Variants in ADAMTS17 observed in about 807,000 individuals in gnomAD.
ADAMTS17 encodes A disintegrin and metalloproteinase with thrombospondin motifs 17.
In ADAMTS17, 113 loss-of-function variants were observed where a neutral mutation model predicts 141.5. The observed-to-expected ratio is 0.80, with a 90% CI of 0.69 to 0.93. The LOEUF (loss-of-function observed/expected upper bound fraction) is 0.93. ADAMTS17 is among the 40% of genes least tolerant of loss of function. The pLI is 0.00. For synonymous variants in ADAMTS17, 768 were observed against 630.6 expected (o/e 1.22, Z -3.27); for missense variants, 1,659 against 1,517.9 (o/e 1.09, Z -1.54).
chr15:100,196,391 C>T (rs1009848209), intron 8 of ADAMTS17, among the ~76,000 whole-genome samples: 8 of 152,224 alleles, frequency 5.3e-5, no homozygotes, highest in Non-Finnish European at 1.2e-4. Context: ...CTGTGCAACT[C>T]ATTGTTTGAT....
At chr15:100,086,146 A>T (rs895692631) in intron 15 of ADAMTS17, among the ~76,000 whole-genome samples, 1 of 152,150 alleles carries the variant, frequency 6.6e-6, no homozygotes, top group African/African-American at 2.4e-5. Flanking sequence ...AAAGGGATGA[A>T]GGAAGACCTA....
intron 3 of ADAMTS17, among the ~76,000 whole-genome samples, 177 bp from the exon 4 acceptor site, chr15:100,281,578 G>C (rs7496721): frequency 2.0e-5 from 3 of 151,804 alleles, no homozygotes; most frequent in Non-Finnish European, 4.4e-5. Context: ...ACTCACGTAG[G>C]GGGGTGCTGG....
At chr15:100,247,520 G>C (rs1015844017) in intron 7 of ADAMTS17, among the ~76,000 whole-genome samples, 1 of 152,198 alleles carries the variant, frequency 6.6e-6, no homozygotes, top group Non-Finnish European at 1.5e-5. Context: ...ACACCAACCA[G>C]TGAGGACGCC....
intron 15 of ADAMTS17, among the ~76,000 whole-genome samples, chr15:100,093,731 T>G (rs540944990): frequency 1.3e-5 from 2 of 152,308 alleles, no homozygotes; most frequent in South Asian, 4.1e-4. Flanking sequence ...ACACGCCTGC[T>G]GGGCTGCCTC....
At chr15:100,262,678 C>T (rs548046243) in intron 4 of ADAMTS17, among the ~76,000 whole-genome samples, 20 of 151,432 alleles carry the variant, frequency 1.3e-4, no homozygotes, top group African/African-American at 4.6e-4. Flanking sequence ...TCTGTACTAA[C>T]TGATCAACTT....
At chr15:100,107,855 C>T (rs937466591) in intron 14 of ADAMTS17, among the ~76,000 whole-genome samples, 13 of 152,166 alleles carry the variant, frequency 8.5e-5, no homozygotes, top group African/African-American at 2.9e-4. Flanking sequence ...TATGGTGTAT[C>T]GTTACAGGTG....
chr15:100,217,895 TTGAC>T (rs2042018101), intron 7 of ADAMTS17, among the ~76,000 whole-genome samples: 1 of 152,222 alleles, frequency 6.6e-6, no homozygotes, highest in Admixed American at 6.5e-5. Flanking sequence ...GACTGAATGA[TTGAC>T]TGATTAACAG....
At chr15:100,136,894 C>G (rs959182490) in intron 10 of ADAMTS17, among the ~76,000 whole-genome samples, 2 of 152,164 alleles carry the variant, frequency 1.3e-5, no homozygotes, top group African/African-American at 4.8e-5. Flanking sequence ...GTAGCCAGCA[C>G]AGATAATGGG....
rs560648773 is a variant in ADAMTS17 at position 100,046,727 on chromosome 15, C to T, written c.2591+2130G>A. The stretch of plus-strand genomic sequence containing the variant: ...CCCCAATCAATACCCTTGTGATTTC[C>T]TATGCCTGTCTTTACTTTAATCTCT... On this transcript the variant is annotated intron_variant, in intron 18 of 21. Transcript: ENST00000268070. Among the ~76,000 whole-genome samples, 10 of 152,268 alleles carry T rather than the reference C, an allele frequency of 6.6e-5. No homozygotes were observed. The East Asian group carries it at 7.7e-4, about 12-fold the overall frequency.
intron 18 of ADAMTS17, among the ~76,000 whole-genome samples, chr15:100,006,327 A>C (rs2061035811): frequency 6.6e-6 from 1 of 152,118 alleles, no homozygotes; most frequent in African/African-American, 2.4e-5. Flanking sequence ...CCACACACTC[A>C]CTGCATTCCC....
Position 100,341,180 on chromosome 15 carries a change from C to T in ADAMTS17, c.309G>A (p.Leu103=), listed in dbSNP as rs1471467575. The change falls in exon 2 of 22, where the codon CTG becomes CTA. Residue 103 remains leucine, a synonymous_variant. Coordinates refer to ENST00000268070, the MANE Select transcript of ADAMTS17 (RefSeq NM_139057.4). ...CCTCCTCCACCTCGAAGCCTCGGGACAGGAAGCGCAGGTCGCGGCGCAGCT... is the reference window on the plus strand; with the variant it reads ...CCTCCTCCACCTCGAAGCCTCGGGATAGGAAGCGCAGGTCGCGGCGCAGCT... ...YLQLRRDLRF[L]SRGFEVEEAG... 5.5e-6 allele frequency: 8 copies of T among 1,465,000 alleles called. No homozygotes were observed. The highest frequency in any genetic ancestry group is 2.3e-5 in the Admixed American group (1 of 43,240). 90.8% of individuals were successfully genotyped at this position (1,465,000 alleles called of 1,614,324 possible).
intron 12 of ADAMTS17, among the ~76,000 whole-genome samples, chr15:100,120,635 T>C (rs868517993): frequency 6.6e-5 from 10 of 152,354 alleles, no homozygotes; most frequent in Middle Eastern, 3.4e-3. Context: ...TAGGAAAAGA[T>C]ACAGGTTCAA....
chr15:100,107,256 GAGCA>G (rs1216177594), intron 14 of ADAMTS17, among the ~76,000 whole-genome samples: 1 of 152,178 alleles, frequency 6.6e-6, no homozygotes, highest in South Asian at 2.1e-4. Context: ...GCTAGGCACT[GAGCA>G]AGCAAAGAGC....
At chr15:100,141,471 C>CA (rs1216832955) in intron 10 of ADAMTS17, among the ~76,000 whole-genome samples, 1 of 152,080 alleles carries the variant, frequency 6.6e-6, no homozygotes, top group Non-Finnish European at 1.5e-5. Context: ...TAACACAAGC[C>CA]AAAAGAGAGA....
chr15:100,322,995 G>T (rs905666508), intron 3 of ADAMTS17, among the ~76,000 whole-genome samples: 1 of 149,544 alleles, frequency 6.7e-6, no homozygotes, highest in Non-Finnish European at 1.5e-5. Flanking sequence ...GCTGAGGCAG[G>T]AGAATGGCAT....
At chr15:100,183,384 T>C (rs1255836694) in intron 8 of ADAMTS17, among the ~76,000 whole-genome samples, 1 of 152,222 alleles carries the variant, frequency 6.6e-6, no homozygotes, top group Non-Finnish European at 1.5e-5. Flanking sequence ...GAGTGAATTA[T>C]ATTCATCTAA....
At position 99,982,793 on chromosome 15, in the gene ADAMTS17, C is replaced by T. The variant is rs148453442; in HGVS notation, c.2950-6571G>A. On this transcript the variant is annotated intron_variant, in intron 20 of 21. Coordinates refer to ENST00000268070, the MANE Select transcript of ADAMTS17 (RefSeq NM_139057.4). ...TAAATTTAGCTGAAAAGCTCCTTGC[C>T]GGGAAACCTGAAGTGAGTGGAGCCC... Among the ~76,000 whole-genome samples, 476 of 152,252 alleles carry T rather than the reference C, an allele frequency of 3.1e-3. 2 individuals are homozygous for T. The highest frequency in any genetic ancestry group is 0.01 in the African/African-American group (433 of 41,544).
intron 2 of ADAMTS17, among the ~76,000 whole-genome samples, chr15:100,340,090 G>T (rs2046318609): frequency 6.6e-6 from 1 of 152,248 alleles, no homozygotes; most frequent in Admixed American, 6.5e-5. Context: ...ACAGAAGACA[G>T]AGAACCCCTG....
At chr15:100,038,157 G>T (rs1158931675) in intron 18 of ADAMTS17, among the ~76,000 whole-genome samples, 1 of 152,194 alleles carries the variant, frequency 6.6e-6, no homozygotes, top group African/African-American at 2.4e-5. Flanking sequence ...TTGGCACCCT[G>T]GTGGAAAAGC....
Sources: gnomAD v4.1 joint callset for allele counts (sites outside exome capture counted in the v4.1 genomes callset) on GRCh38, gnomAD v4.1.1 for gene constraint, MANE v1.5 for transcripts, NCBI Gene and HGNC (gene_info 2026-07-23, HGNC 2026-07-21) for gene names.